EPS8: variants seen among roughly 807,000 people sequenced by gnomAD.
EPS8 encodes epidermal growth factor receptor kinase substrate 8.
Under a neutral mutation model 103.8 loss-of-function variants are expected in EPS8, and 42 were observed. The ratio of observed to expected loss-of-function variants is 0.40; its 90% CI spans 0.32 to 0.52. The LOEUF is 0.52. Among genes scored for constraint, EPS8 ranks in the 20% least tolerant of loss-of-function variants. EPS8 has a pLI of 0.40. For synonymous variants in EPS8, 344 were observed against 344.6 expected, an observed-to-expected ratio of 1.00 and a Z score of 0.02; for missense variants, 969 against 1,005.1, an observed-to-expected ratio of 0.96 and a Z score of 0.49.
In EPS8 at chr12:15,669,663, C is replaced by T; in HGVS notation, c.366+1G>A. The T allele has an allele frequency of 6.3e-7, 1 of 1,590,608 alleles. No individual in the cohort carries two copies. Among genetic ancestry groups the T allele is most frequent in the Non-Finnish European group, 8.6e-7 (1 of 1,169,044 alleles). Reference sequence around the variant, plus strand: ...AAATAGTATAAATTTTACACACTTGCCTTTGATTCTAAATCAATCAGGCTC... The same window carrying T: ...AAATAGTATAAATTTTACACACTTGTCTTTGATTCTAAATCAATCAGGCTC... On this transcript the variant is annotated splice_donor_variant, in intron 5 of 20. Transcript: ENST00000281172. LOFTEE classifies it high-confidence loss of function.
At chr12:15,753,418 T>C (rs1285923799) in intron 1 of EPS8, among the ~76,000 whole-genome samples, 1 of 152,158 alleles carries the variant, frequency 6.6e-6, no homozygotes, top group East Asian at 1.9e-4. Context: ...TAGCTCCTAC[T>C]ACAGTTGAGA....
intron 1 of EPS8, among the ~76,000 whole-genome samples, chr12:15,754,398 G>A (rs1253740647): frequency 2.0e-5 from 3 of 152,102 alleles, no homozygotes; most frequent in East Asian, 1.9e-4. Flanking sequence ...CTCTTCACAC[G>A]ACACCATTTT....
rs1305308812 is a variant in EPS8, at chr12:15,714,779, AC to A, written c.-21-31808del. Among the ~76,000 whole-genome samples the A allele has an allele frequency of 6.6e-6, 1 of 152,192 alleles. No homozygotes were observed. Among genetic ancestry groups the A allele is most frequent in the Admixed American group, 6.5e-5 (1 of 15,280 alleles). ...TCAGAGTTTTCATCAGGTTTCTATA[AC>A]TTTAAAAGTGAAAAGCATCACTATA... On this transcript the variant is annotated intron_variant, in intron 1 of 20. Transcript: ENST00000281172. This position sits in a 1 kb window ranked among gnomAD's most constrained non-coding sequence, Gnocchi z 4.1.
chr12:15,758,675 C>T (rs1385606554), intron 1 of EPS8, among the ~76,000 whole-genome samples: 1 of 152,122 alleles, frequency 6.6e-6, no homozygotes, highest in East Asian at 1.9e-4. Flanking sequence ...AACAAAAGAG[C>T]TATGAAGGCA....
At chr12:15,621,629 G>C (rs146929830) in intron 20 of EPS8, among the ~76,000 whole-genome samples, 199 bp from the exon 21 acceptor site, 26 of 152,236 alleles carry the variant, frequency 1.7e-4, no homozygotes, top group Admixed American at 1.6e-3. Context: ...TGTAAAGTCT[G>C]TTAAGGCAAT....
At chr12:15,658,244 A>G in intron 11 of EPS8, 91 bp from the exon 12 acceptor site, 1 of 816,842 alleles carries the variant, frequency 1.2e-6, no homozygotes, top group South Asian at 1.5e-5. Context: ...GACGGTCTTT[A>G]CCACCAGATT....
rs189568891 is a variant in EPS8, at chr12:15,745,020, C to T, written c.-22+44141G>A. On this transcript the variant is annotated intron_variant, in intron 1 of 20. Transcript: ENST00000281172. The surrounding 1 kb of genome is among the most constrained non-coding windows in gnomAD (Gnocchi z 4.6). ...CTGGGATTACTGGCATGTGCCACCA[C>T]GCCCAGCTAATTTTTGTATTTTTAG... 5.9e-5 allele frequency among the ~76,000 whole-genome samples: 9 copies of T among 152,178 alleles called. No homozygotes were observed. In the East Asian group the frequency reaches 9.7e-4, roughly 16 times the overall value.
At chr12:15,737,975 A>G (rs957182222) in intron 1 of EPS8, among the ~76,000 whole-genome samples, 4 of 152,106 alleles carry the variant, frequency 2.6e-5, no homozygotes, top group Admixed American at 2.6e-4. Flanking sequence ...AAAGAGTAGC[A>G]TTTTTCCACT....
intron 13 of EPS8, among the ~76,000 whole-genome samples, chr12:15,653,787 C>G (rs911479079): frequency 1.3e-5 from 2 of 152,204 alleles, no homozygotes; most frequent in African/African-American, 4.8e-5. Flanking sequence ...CATGGACTAG[C>G]AAGCACTGTG....
rs560555042 is a variant in EPS8 at position 15,693,296 on chromosome 12, T to C, written c.-21-10324A>G. ...GAAGTCAGCCAGGGTTGTCTTACTG[T>C]TTACTAAGCATTTCATTTCATCTTT... On this transcript the variant is annotated intron_variant, in intron 1 of 20. Coordinates refer to ENST00000281172, the MANE Select transcript of EPS8 (RefSeq NM_004447.6). The surrounding 1 kb of genome is among the most constrained non-coding windows in gnomAD (Gnocchi z 5.6). Among the ~76,000 whole-genome samples the C allele has an allele frequency of 2.0e-5, 3 of 152,330 alleles. No homozygotes were observed. In the South Asian group the frequency reaches 6.2e-4, roughly 32 times the overall value.
chr12:15,750,186 T>C (rs907862239), intron 1 of EPS8, among the ~76,000 whole-genome samples: 3 of 152,114 alleles, frequency 2.0e-5, no homozygotes, highest in Admixed American at 1.3e-4. Context: ...TAATTCCAAC[T>C]CCAGTTTTAG....
rs74063355 is a variant in EPS8 at position 15,697,512 on chromosome 12, C to T, written c.-21-14540G>A. Among the ~76,000 whole-genome samples, 1,483 of 152,250 alleles carry T rather than the reference C, an allele frequency of 9.7e-3. 26 individuals are homozygous for T. Among genetic ancestry groups the T allele is most frequent in the African/African-American group, 0.033 (1,383 of 41,550 alleles). On this transcript the variant is annotated intron_variant, in intron 1 of 20. Coordinates refer to ENST00000281172, the MANE Select transcript of EPS8 (RefSeq NM_004447.6). This position sits in a 1 kb window ranked among gnomAD's most constrained non-coding sequence, Gnocchi z 5.6. ...CATGAAGTAGGAACAATTACCATTC[C>T]CACTTTACAGATGAATAAGCTAGGT...
intron 18 of EPS8, among the ~76,000 whole-genome samples, chr12:15,626,197 A>T (rs568001180): frequency 1.3e-5 from 2 of 152,218 alleles, no homozygotes; most frequent in African/African-American, 4.8e-5. Flanking sequence ...ATGTATCCAA[A>T]ATCCAATGAT....
rs1945046253 is a variant in EPS8, at chr12:15,631,549, G to A, written c.1937C>T (p.Pro646Leu). The change falls in exon 18 of 21, where the codon CCT (proline) becomes CTT (leucine). Residue 646 changes from proline (P) to leucine (L), a missense_variant. Physicochemically the swap from Pro to Leu is moderately conservative, Grantham distance 98 (BLOSUM62 -3). Transcript: ENST00000281172. ...PLPPSTPAPV[P>L]VSKVPANITR... The stretch of plus-strand genomic sequence containing the variant: ...TATATTTGCTGGGACCTTTGACACA[G>A]GAACAGGTGCTGGAGTGGAAGGGGG... 1.9e-6 allele frequency: 3 copies of A among 1,614,060 alleles called. No individual in the cohort carries two copies. The highest frequency in any genetic ancestry group is 1.1e-5 in the South Asian group (1 of 91,070).
chr12:15,715,028 G>A (rs958646865), intron 1 of EPS8, among the ~76,000 whole-genome samples: 1 of 152,130 alleles, frequency 6.6e-6, no homozygotes, highest in African/African-American at 2.4e-5. Flanking sequence ...ACTGTGACAT[G>A]CCACCCACAT....
Position 15,713,098 on chromosome 12 carries a change from T to TG in EPS8, c.-21-30127dup. ...CAGCTACCACTACACTTCCAACTCT[T>TG]GCCTAAGATGATTTTTTTTTTAAGT... On this transcript the variant is annotated intron_variant, in intron 1 of 20. Coordinates refer to ENST00000281172, the MANE Select transcript of EPS8 (RefSeq NM_004447.6). This position sits in a 1 kb window ranked among gnomAD's most constrained non-coding sequence, Gnocchi z 4.8. 3.6e-6 allele frequency: 2 copies of TG among 554,270 alleles called. No homozygotes were observed. The highest frequency in any genetic ancestry group is 4.6e-6 in the Non-Finnish European group (2 of 436,094). The allele number at this position is 554,270 out of a possible 1,614,324, so 34.3% of individuals were successfully genotyped here.
chr12:15,679,868 T>C (rs1420485291), intron 3 of EPS8, among the ~76,000 whole-genome samples: 1 of 152,220 alleles, frequency 6.6e-6, no homozygotes, highest in Non-Finnish European at 1.5e-5. Flanking sequence ...AATAAATATC[T>C]GTCTAGAAAT....
chr12:15,757,796 G>A lies in EPS8; in HGVS notation c.-22+31365C>T, dbSNP rs1398934329. On this transcript the variant is annotated intron_variant, in intron 1 of 20. Transcript: ENST00000281172. This position sits in a 1 kb window ranked among gnomAD's most constrained non-coding sequence, Gnocchi z 4.1. ...ACTCTTGTAATACTGTTTAACCTGT[G>A]CATTAGTTATTTACTGCTCTGTAAT... Among the ~76,000 whole-genome samples the A allele has an allele frequency of 2.0e-5, 3 of 152,142 alleles. No homozygotes were observed. Among genetic ancestry groups the A allele is most frequent in the East Asian group, 1.9e-4 (1 of 5,204 alleles).
At chr12:15,724,411 T>C (rs1173238640) in intron 1 of EPS8, among the ~76,000 whole-genome samples, 1 of 152,190 alleles carries the variant, frequency 6.6e-6, no homozygotes, top group Non-Finnish European at 1.5e-5. Flanking sequence ...ATGAGTCTTA[T>C]GTATGAATAT....
Sources: gnomAD v4.1 joint callset for allele counts (sites outside exome capture counted in the v4.1 genomes callset) on GRCh38, gnomAD v4.1.1 for gene constraint, Gnocchi (gnomAD v3.1) non-coding constraint, MANE v1.5 for transcripts, NCBI Gene and HGNC (gene_info 2026-07-23, HGNC 2026-07-21) for gene names.